Variants in ROBO2 observed in about 807,000 individuals in gnomAD.
ROBO2 encodes roundabout homolog 2.
In ROBO2, 53 loss-of-function variants were observed where a neutral mutation model predicts 160.8. The observed-to-expected ratio is 0.33, with a 90% CI of 0.26 to 0.41. The LOEUF is 0.41. Among genes scored for constraint, ROBO2 ranks in the 10% least tolerant of loss-of-function variants. The pLI, the probability that ROBO2 is intolerant of heterozygous loss-of-function variation, is 1.00. For missense variants in ROBO2, 1,577 were observed against 1,722.4 expected (o/e 0.92, Z 1.49); for synonymous variants, 664 against 611.7 (o/e 1.09, Z -1.26).
At chr3:77,479,863 G>A (rs1197982616) in intron 3 of ROBO2, among the ~76,000 whole-genome samples, 1 of 152,124 alleles carries the variant, frequency 6.6e-6, no homozygotes, top group Non-Finnish European at 1.5e-5. Flanking sequence ...TTTCCAGCAG[G>A]CTAGTTCAGT....
intron 2 of ROBO2, among the ~76,000 whole-genome samples, chr3:76,752,558 A>C (rs2060736753): frequency 6.7e-6 from 1 of 148,224 alleles, no homozygotes; most frequent in South Asian, 2.1e-4. Flanking sequence ...GGTGTTAGGT[A>C]AGGACTAAGA....
intron 2 of ROBO2, among the ~76,000 whole-genome samples, chr3:75,984,407 C>A (rs2107468721): frequency 6.6e-6 from 1 of 151,444 alleles, no homozygotes; most frequent in South Asian, 2.1e-4. Context: ...CAGAAGGAAG[C>A]TTGGAAAATG....
chr3:77,643,567 T>G lies in ROBO2; in HGVS notation c.3935-1137T>G, dbSNP rs991992501. Among the ~76,000 whole-genome samples the G allele has an allele frequency of 2.6e-4, 39 of 152,260 alleles. 1 individual carries two copies. In the East Asian group the frequency reaches 3.5e-3, roughly 14 times the overall value. On this transcript the variant is annotated intron_variant, in intron 24 of 25. Coordinates refer to ENST00000461745, the Ensembl canonical transcript of ROBO2. ...TTCATTGTTTGTAGTTAGATTTTTT[T>G]GGGGGGAGAGGTGTGGCGCGGGAGG...
intron 2 of ROBO2, among the ~76,000 whole-genome samples, chr3:76,227,731 T>G (rs1184209888): frequency 6.6e-6 from 1 of 152,166 alleles, no homozygotes; most frequent in Non-Finnish European, 1.5e-5. Context: ...CACCTTAATT[T>G]TAGAGCTTTG....
chr3:76,729,338 A>C (rs1158557957), intron 2 of ROBO2, among the ~76,000 whole-genome samples: 1 of 152,146 alleles, frequency 6.6e-6, no homozygotes, highest in African/African-American at 2.4e-5. Context: ...TCATACTAGA[A>C]ATTGACTCTG....
At chr3:77,403,314 T>C (rs182947530) in intron 2 of ROBO2, among the ~76,000 whole-genome samples, 23 of 152,140 alleles carry the variant, frequency 1.5e-4, no homozygotes, top group African/African-American at 5.6e-4. Context: ...CTATTGAACT[T>C]ATTCTTCTAT....
chr3:76,643,776 A>T (rs988725071), intron 2 of ROBO2, among the ~76,000 whole-genome samples: 1 of 152,206 alleles, frequency 6.6e-6, no homozygotes, highest in Non-Finnish European at 1.5e-5. Context: ...GTTTAAAAAA[A>T]AAGTAAATAG....
intron 2 of ROBO2, among the ~76,000 whole-genome samples, chr3:75,956,902 G>A (rs374537454): frequency 9.9e-5 from 15 of 151,696 alleles, no homozygotes; most frequent in Admixed American, 5.9e-4. Context: ...TGACAAAATA[G>A]ATATCTCTTT....
At position 76,743,716 on chromosome 3, in the gene ROBO2, CT is replaced by C. The variant is rs761183669; in HGVS notation, c.110-354291del. ...AGACTTTCATTCCTTTTCATTCTTCCTTTTTTTCTCTTATACTATGCAAATT... is the reference window on the plus strand; with the variant it reads ...AGACTTTCATTCCTTTTCATTCTTCCTTTTTTCTCTTATACTATGCAAATT... On this transcript the variant is annotated intron_variant, in intron 2 of 26. Coordinates refer to the ROBO2 transcript ENST00000487694. Among the ~76,000 whole-genome samples, 3 of 151,776 alleles carry C rather than the reference CT, an allele frequency of 2.0e-5. 1 individual carries two copies. Among genetic ancestry groups the C allele is most frequent in the South Asian group, 4.2e-4 (2 of 4,804 alleles).
intron 2 of ROBO2, among the ~76,000 whole-genome samples, chr3:76,931,289 C>A (rs1247129510): frequency 6.6e-6 from 1 of 152,000 alleles, no homozygotes; most frequent in East Asian, 1.9e-4. Context: ...GTAAGCAGAA[C>A]CTAATCAATT....
At chr3:76,904,216 G>T (rs926415406) in intron 2 of ROBO2, among the ~76,000 whole-genome samples, 1 of 151,972 alleles carries the variant, frequency 6.6e-6, no homozygotes, top group Non-Finnish European at 1.5e-5. Context: ...GCTCTGTTTA[G>T]TGTATCCTTA....
chr3:76,934,489 TC>T (rs2077558882), intron 2 of ROBO2, among the ~76,000 whole-genome samples: 2 of 151,994 alleles, frequency 1.3e-5, no homozygotes, highest in Non-Finnish European at 2.9e-5. Flanking sequence ...ACACCTATAA[TC>T]CGAGCACTTT....
chr3:76,213,230 G>T (rs774519291), intron 2 of ROBO2, among the ~76,000 whole-genome samples: 1 of 151,992 alleles, frequency 6.6e-6, no homozygotes, highest in Non-Finnish European at 1.5e-5. Flanking sequence ...AGAGGTACTC[G>T]CTTTCAGACA....
intron 1 of ROBO2, among the ~76,000 whole-genome samples, chr3:77,050,753 C>T (rs551887023): frequency 1.3e-5 from 2 of 150,894 alleles, no homozygotes; most frequent in South Asian, 4.2e-4. Flanking sequence ...GTGGCTCATG[C>T]CTGTAATCTC....
At chr3:76,951,954 C>T (rs1235332758) in intron 2 of ROBO2, among the ~76,000 whole-genome samples, 2 of 152,226 alleles carry the variant, frequency 1.3e-5, no homozygotes, top group African/African-American at 2.4e-5. Flanking sequence ...AGCCCTTCCC[C>T]AGCTTTGTCT....
At chr3:76,920,966 G>A (rs1053770158) in intron 2 of ROBO2, among the ~76,000 whole-genome samples, 9 of 152,114 alleles carry the variant, frequency 5.9e-5, no homozygotes, top group East Asian at 5.8e-4. Flanking sequence ...CTATTACTAC[G>A]TTAAACTATA....
At chr3:76,945,239 AAG>A (rs2078457380) in intron 2 of ROBO2, among the ~76,000 whole-genome samples, 1 of 152,160 alleles carries the variant, frequency 6.6e-6, no homozygotes, top group Non-Finnish European at 1.5e-5. Flanking sequence ...AAGAAATCAG[AAG>A]TATTTTGCGC....
At chr3:76,341,381 G>A (rs1334053488) in intron 2 of ROBO2, among the ~76,000 whole-genome samples, 1 of 139,846 alleles carries the variant, frequency 7.2e-6, no homozygotes, top group Non-Finnish European at 1.5e-5. Context: ...GTTTCGTATG[G>A]CCCCAGAACT....
intron 2 of ROBO2, among the ~76,000 whole-genome samples, chr3:77,377,016 A>G (rs2072777277): frequency 6.6e-6 from 1 of 152,120 alleles, no homozygotes; most frequent in Non-Finnish European, 1.5e-5. Flanking sequence ...AGGTTTATTT[A>G]TTTGTAAATC....
Sources: allele counts gnomAD v4.1 joint callset (sites outside exome capture counted in the v4.1 genomes callset), GRCh38; gene constraint gnomAD v4.1.1; transcripts MANE v1.5; gene names NCBI Gene and HGNC (gene_info 2026-07-23, HGNC 2026-07-21).